Variants in ANKRD42 observed in about 807,000 individuals in gnomAD.
ANKRD42 encodes ankyrin repeat domain 42.
ANKRD42 carries 43 observed loss-of-function variants against 51.5 expected under a neutral mutation model. That is an observed-to-expected ratio of 0.83 (90% CI 0.65 to 1.08). The LOEUF (loss-of-function observed/expected upper bound fraction) is 1.08. ANKRD42 is among the 50% of genes least tolerant of loss of function. The probability of loss-of-function intolerance (pLI) is 0.00; values close to 1 mark genes in which losing one functional copy is unlikely to be tolerated. For missense variants in ANKRD42, 608 were observed against 629.3 expected, an observed-to-expected ratio of 0.97 and a Z score of 0.36; for synonymous variants, 203 against 213.0, an observed-to-expected ratio of 0.95 and a Z score of 0.41.
downstream of ANKRD42, among the ~76,000 whole-genome samples, chr11:83,251,859 G>A (rs1863680881): frequency 6.6e-6 from 1 of 152,072 alleles, no homozygotes; most frequent in Admixed American, 6.6e-5. Context: ...AAAATATAAC[G>A]TAGGATATCT....
At position 83,211,330 on chromosome 11, in the gene ANKRD42, T is replaced by G. The variant is rs1475667868; in HGVS notation, c.486T>G (p.Pro162=). ...TGACTGATAAGAGAGAATGGAGACC[T>G]GTGCATTATGCAGCTTTTCATGGGC... The part of the protein sequence containing the change: ...PSVTDKREWR[P]VHYAAFHGRL... Residue 162 remains proline, a synonymous_variant, in exon 5 of 11, where the codon CCT becomes CCG. Transcript: ENST00000533342. 1 of 1,614,106 alleles carries G rather than the reference T, an allele frequency of 6.2e-7. No individual in the cohort carries two copies. The highest frequency in any genetic ancestry group is 8.5e-7 in the Non-Finnish European group (1 of 1,180,036).
downstream of ANKRD42, chr11:83,259,602 TA>T (rs1323523484): frequency 6.6e-6 from 1 of 152,192 alleles, no homozygotes; most frequent in African/African-American, 2.4e-5. Context: ...GAAGAATGAA[TA>T]AACTAATATA....
chr11:83,261,900 G>C, downstream of ANKRD42: 1 of 1,588,890 alleles, frequency 6.3e-7, no homozygotes, highest in Non-Finnish European at 8.6e-7. Context: ...ACAGCAGGAT[G>C]AGCATTAATA....
At chr11:83,254,542 C>T (rs1863733376) in intron 11 of ANKRD42, among the ~76,000 whole-genome samples, 1 of 151,540 alleles carries the variant, frequency 6.6e-6, no homozygotes, top group African/African-American at 2.4e-5. Context: ...AGCGATTCTC[C>T]TGCCTCAGCC....
intron 5 of ANKRD42, among the ~76,000 whole-genome samples, chr11:83,216,986 T>G (rs868516013): frequency 6.9e-6 from 1 of 144,878 alleles, no homozygotes; most frequent in Non-Finnish European, 1.5e-5. Context: ...GAGGGGATCT[T>G]TTTAGGCCAG....
chr11:83,261,452 C>G (rs1863921391), downstream of ANKRD42: 1 of 152,286 alleles, frequency 6.6e-6, no homozygotes, highest in Non-Finnish European at 1.5e-5. Context: ...AAAACCCACA[C>G]AACTTTGTTG....
Position 83,194,034 on chromosome 11 carries a change from G to C in ANKRD42, c.-637G>C. 1 of 456,538 alleles carries C rather than the reference G, an allele frequency of 2.2e-6. No homozygotes were observed. Among genetic ancestry groups the C allele is most frequent in the South Asian group, 1.5e-5 (1 of 64,570 alleles). 28.3% of individuals were successfully genotyped at this position (456,538 alleles called of 1,614,324 possible). On this transcript the variant is annotated 5_prime_UTR_variant, in exon 1 of 11. Transcript: ENST00000533342. Reference sequence around the variant, plus strand: ...GCTTCTCCCGCAGTGACTTGAGAAGGGTCAGTGAAAACCTCGGCCACTGCC... The same window carrying C: ...GCTTCTCCCGCAGTGACTTGAGAAGCGTCAGTGAAAACCTCGGCCACTGCC...
At chr11:83,238,456 G>A (rs1863285455) in intron 8 of ANKRD42, among the ~76,000 whole-genome samples, 1 of 152,214 alleles carries the variant, frequency 6.6e-6, no homozygotes, top group South Asian at 2.1e-4. Flanking sequence ...AGCATTTTGG[G>A]AGGCCAAGGC....
rs190153304 is a variant in ANKRD42 at position 83,217,602 on chromosome 11, G to A, written c.586+6172G>A. On this transcript the variant is annotated intron_variant, in intron 5 of 10. Transcript: ENST00000533342. ...GTCAAACTTACCTGGGGCTCTGTGA[G>A]GGTGATGGCATGAGCTGGCACTTGC... Among the ~76,000 whole-genome samples, 21 of 152,330 alleles carry A rather than the reference G, an allele frequency of 1.4e-4. No homozygotes were observed. The East Asian group carries it at 3.1e-3, about 22-fold the overall frequency.
intron 9 of ANKRD42, among the ~76,000 whole-genome samples, chr11:83,245,064 C>T (rs113127339): frequency 1.3e-5 from 2 of 152,060 alleles, no homozygotes; most frequent in Non-Finnish European, 2.9e-5. Flanking sequence ...GCCACCACAC[C>T]GGCTAATTTT....
intron 1 of ANKRD42, among the ~76,000 whole-genome samples, chr11:83,195,431 A>T (rs1861606147): frequency 6.6e-6 from 1 of 152,192 alleles, no homozygotes; most frequent in Non-Finnish European, 1.5e-5. Flanking sequence ...GTGTCAGAAA[A>T]AGCATTCTAA....
chr11:83,249,646 C>T (rs1863640119), downstream of ANKRD42, among the ~76,000 whole-genome samples: 1 of 152,196 alleles, frequency 6.6e-6, no homozygotes, highest in African/African-American at 2.4e-5. Context: ...CCTAAAACTT[C>T]ACTCTACCAA....
chr11:83,205,838 A>G lies in ANKRD42; in HGVS notation c.223-220A>G, dbSNP rs111367091. Among the ~76,000 whole-genome samples, 1,296 of 152,308 alleles carry G rather than the reference A, an allele frequency of 8.5e-3. 22 individuals are homozygous for G. Among genetic ancestry groups the G allele is most frequent in the African/African-American group, 0.03 (1,240 of 41,560 alleles). ...TGTCTACACCTTACAGACAAGAAAT[A>G]TGGTCTCCAGTTTGCCACAGTTCCC... On this transcript the variant is annotated intron_variant, in intron 2 of 10. Transcript: ENST00000533342.
intron 5 of ANKRD42, chr11:83,213,263 G>A: frequency 6.3e-7 from 1 of 1,597,394 alleles, no homozygotes; most frequent in Non-Finnish European, 8.5e-7. Context: ...GGAGCTGGAA[G>A]TGCTGCTGAT....
intron 3 of ANKRD42, 113 bp from the exon 4 acceptor site, chr11:83,210,187 C>T (rs1362087619): frequency 7.9e-6 from 8 of 1,006,706 alleles, no homozygotes; most frequent in African/African-American, 6.5e-5. Context: ...TAAGAACATA[C>T]ATAAGAATTT....
chr11:83,236,367 G>A lies in ANKRD42; in HGVS notation c.914-37G>A, dbSNP rs767098801. Reference sequence around the variant, plus strand: ...ATTGTTACTAATAACTAACTTTTTTGTGTGTAATTCCTGTTCTTTTTCCTT... The same window carrying A: ...ATTGTTACTAATAACTAACTTTTTTATGTGTAATTCCTGTTCTTTTTCCTT... On this transcript the variant is annotated intron_variant, in intron 7 of 10. Transcript: ENST00000533342. The A allele has an allele frequency of 2.6e-6, 4 of 1,539,226 alleles. No individual in the cohort carries two copies. In the Admixed American group the frequency reaches 6.4e-5, roughly 24 times the overall value.
At chr11:83,246,293 A>G (rs1230794888) in intron 10 of ANKRD42, among the ~76,000 whole-genome samples, 2 of 152,242 alleles carry the variant, frequency 1.3e-5, no homozygotes, top group Admixed American at 6.5e-5. Flanking sequence ...TACTACTATA[A>G]TAAGTAATCT....
chr11:83,240,749 T>C lies in ANKRD42; in HGVS notation c.1020-10T>C. The stretch of plus-strand genomic sequence containing the variant: ...TGTGGATCTGGTTAGTTATTGATTC[T>C]TTTCTACAGGTTTGCCCATTTGGCA... On this transcript the variant is annotated splice_polypyrimidine_tract_variant and intron_variant, in intron 8 of 10. Coordinates refer to ENST00000533342, the MANE Select transcript of ANKRD42 (RefSeq NM_001300975.2). 1 of 1,613,448 alleles carries C rather than the reference T, an allele frequency of 6.2e-7. No individual in the cohort carries two copies. Among genetic ancestry groups the C allele is most frequent in the Non-Finnish European group, 8.5e-7 (1 of 1,179,886 alleles).
Position 83,235,592 on chromosome 11 carries a change from G to A in ANKRD42, c.914-812G>A, listed in dbSNP as rs766444491. Among the ~76,000 whole-genome samples, 10 of 152,180 alleles carry A rather than the reference G, an allele frequency of 6.6e-5. No homozygotes were observed. The South Asian group carries it at 1.2e-3, about 19-fold the overall frequency. Reference sequence around the variant, plus strand: ...CTGTAAGTTGCAGCCACTTGCTGTCGTCTGAGGATATGAAGATTATAGCCC... The same window carrying A: ...CTGTAAGTTGCAGCCACTTGCTGTCATCTGAGGATATGAAGATTATAGCCC... On this transcript the variant is annotated intron_variant, in intron 7 of 10. Transcript: ENST00000533342.
Sources: gnomAD v4.1 joint callset for allele counts (sites outside exome capture counted in the v4.1 genomes callset) on GRCh38, gnomAD v4.1.1 for gene constraint, MANE v1.5 for transcripts, NCBI Gene and HGNC (gene_info 2026-07-23, HGNC 2026-07-21) for gene names.